The following GALNT13 variants were observed in gnomAD, a reference collection of about 807,000 sequenced individuals.
GALNT13 encodes polypeptide N-acetylgalactosaminyltransferase 13.
Under a neutral mutation model 64.2 loss-of-function variants are expected in GALNT13, and 28 were observed. That is an observed-to-expected ratio of 0.44 (90% CI 0.32 to 0.60). The LOEUF (loss-of-function observed/expected upper bound fraction) is 0.60. Among genes scored for constraint, GALNT13 ranks in the 20% least tolerant of loss-of-function variants. GALNT13 has a pLI of 0.05. For missense variants in GALNT13, 577 were observed against 669.8 expected, an observed-to-expected ratio of 0.86 and a Z score of 1.53; for synonymous variants, 214 against 224.6, an observed-to-expected ratio of 0.95 and a Z score of 0.42.
intron 2 of GALNT13, among the ~76,000 whole-genome samples, chr2:153,925,294 A>G (rs530562994): frequency 1.3e-5 from 2 of 152,152 alleles, no homozygotes; most frequent in South Asian, 2.1e-4. Flanking sequence ...TCCCAGCACT[A>G]TTTATTAAAT....
chr2:153,652,395 A>G, the GALNT13 span, among the ~76,000 whole-genome samples: 1 of 152,056 alleles, frequency 6.6e-6, no homozygotes, highest in Non-Finnish European at 1.5e-5. Context: ...CTGAGGCGGG[A>G]GGATCACCTG....
At chr2:153,753,375 A>G in the GALNT13 span, among the ~76,000 whole-genome samples, 1 of 152,056 alleles carries the variant, frequency 6.6e-6, no homozygotes, top group Admixed American at 6.6e-5. Context: ...GCTTGTTTGT[A>G]TCTGTCCATC....
In GALNT13 at chr2:153,938,988, G is replaced by A. The variant is rs117338865; in HGVS notation, c.-104-5406G>A. Among the ~76,000 whole-genome samples, 104 of 152,180 alleles carry A rather than the reference G, an allele frequency of 6.8e-4. No homozygotes were observed. The East Asian group carries it at 0.017, about 25-fold the overall frequency. On this transcript the variant is annotated intron_variant, in intron 2 of 12. Coordinates refer to ENST00000392825, the MANE Select transcript of GALNT13 (RefSeq NM_052917.4). Reference sequence around the variant, plus strand: ...TAAATATATTGGAGTGAGAGAGGGCGTATGTAAGAGAAGCGTAATCCTGTT... The same window carrying A: ...TAAATATATTGGAGTGAGAGAGGGCATATGTAAGAGAAGCGTAATCCTGTT...
chr2:153,201,973 CTTTTTTTTTTTTT>C, the GALNT13 span, among the ~76,000 whole-genome samples: 1 of 108,900 alleles, frequency 9.2e-6, no homozygotes, highest in African/African-American at 3.8e-5. Flanking sequence ...CCACCCATTT[CTTTTTTTTTTTTT>C]TTTTTTTTTG....
At chr2:154,446,775 G>C (rs1375567780) in intron 12 of GALNT13, 1 of 1,476,816 alleles carries the variant, frequency 6.8e-7, no homozygotes, top group African/African-American at 1.4e-5. Context: ...GGTTTGTGTT[G>C]CAGATTTTAT....
chr2:153,470,694 A>AT, the GALNT13 span, among the ~76,000 whole-genome samples: 2 of 152,148 alleles, frequency 1.3e-5, no homozygotes, highest in African/African-American at 2.4e-5. Flanking sequence ...CTTAAGCTAG[A>AT]TTTTTGTTGA....
intron 3 of GALNT13, among the ~76,000 whole-genome samples, chr2:154,113,299 A>G (rs1373067301): frequency 6.6e-6 from 1 of 152,178 alleles, no homozygotes; most frequent in Non-Finnish European, 1.5e-5. Context: ...GCTGGATGAT[A>G]TGGCCCAAGT....
chr2:153,570,675 G>C, the GALNT13 span, among the ~76,000 whole-genome samples: 2 of 152,054 alleles, frequency 1.3e-5, no homozygotes, highest in Non-Finnish European at 2.9e-5. Flanking sequence ...TTCTGCATAT[G>C]GATATCTAGT....
the GALNT13 span, among the ~76,000 whole-genome samples, chr2:153,338,956 A>G: frequency 1.3e-5 from 2 of 152,192 alleles, no homozygotes; most frequent in African/African-American, 4.8e-5. Context: ...CAAATGACAG[A>G]ATTTCATTTT....
At chr2:154,239,972 G>A (rs964226132) in intron 4 of GALNT13, among the ~76,000 whole-genome samples, 3 of 152,148 alleles carry the variant, frequency 2.0e-5, no homozygotes, top group Admixed American at 6.5e-5. Context: ...TATGTGTCAT[G>A]CATTAACCCA....
the GALNT13 span, among the ~76,000 whole-genome samples, chr2:153,439,922 C>T: frequency 1.3e-5 from 2 of 152,184 alleles, no homozygotes; most frequent in South Asian, 2.1e-4. Context: ...ACGCTGGGAG[C>T]TGCAGACTGG....
chr2:153,919,115 C>T (rs1300317898), intron 2 of GALNT13, among the ~76,000 whole-genome samples: 2 of 151,998 alleles, frequency 1.3e-5, no homozygotes, highest in African/African-American at 4.8e-5. Context: ...CTGTCTTTCT[C>T]CTCCCTTGAT....
At chr2:153,509,519 A>G in the GALNT13 span, among the ~76,000 whole-genome samples, 77 of 152,372 alleles carry the variant, frequency 5.1e-4, no homozygotes, top group Non-Finnish European at 9.1e-4. Context: ...ACAGACCATA[A>G]AGAAAAACCC....
the GALNT13 span, among the ~76,000 whole-genome samples, chr2:153,214,077 T>C: frequency 5.3e-5 from 8 of 152,190 alleles, no homozygotes; most frequent in Non-Finnish European, 1.2e-4. Context: ...TTGTTAACTT[T>C]ATTTTTTCTG....
At chr2:153,177,031 A>G in the GALNT13 span, among the ~76,000 whole-genome samples, 1 of 152,152 alleles carries the variant, frequency 6.6e-6, no homozygotes, top group South Asian at 2.1e-4. Context: ...TTTTTATCAG[A>G]TTGAGGCACC....
chr2:153,438,926 CT>C, the GALNT13 span, among the ~76,000 whole-genome samples: 1 of 152,138 alleles, frequency 6.6e-6, no homozygotes, highest in Admixed American at 6.5e-5. Flanking sequence ...TTTTTCTGCT[CT>C]GTTTTTTCCC....
intron 9 of GALNT13, among the ~76,000 whole-genome samples, chr2:154,389,521 G>A (rs775342): frequency 0.41 from 62,628 of 152,056 alleles, 13,468 homozygotes; most frequent in African/African-American, 0.54. Context: ...TGTAAGCTTT[G>A]GCATGCATTA....
the GALNT13 span, among the ~76,000 whole-genome samples, chr2:153,347,426 G>C: frequency 1.3e-5 from 2 of 152,156 alleles, no homozygotes; most frequent in African/African-American, 4.8e-5. Flanking sequence ...CAAATCCAAA[G>C]ATAAGTTTAT....
At chr2:154,183,482 C>T (rs575366877) in intron 4 of GALNT13, among the ~76,000 whole-genome samples, 151 of 152,088 alleles carry the variant, frequency 9.9e-4, no homozygotes, top group African/African-American at 3.5e-3. Context: ...GAGGCTGAGG[C>T]GGTTGATTGC....
Sources: gnomAD v4.1 joint callset for allele counts (sites outside exome capture counted in the v4.1 genomes callset) on GRCh38, gnomAD v4.1.1 for gene constraint, MANE v1.5 for transcripts, NCBI Gene and HGNC (gene_info 2026-07-23, HGNC 2026-07-21) for gene names.